Variants in OR1I1 observed in about 807,000 individuals in gnomAD.
The protein encoded by OR1I1 is olfactory receptor 1I1.
For synonymous variants in OR1I1, 171 were observed against 181.4 expected, an observed-to-expected ratio of 0.94 and a Z score of 0.46; for missense variants, 451 against 443.6, an observed-to-expected ratio of 1.02 and a Z score of -0.15.
chr19:15,086,122 T>C (rs2046229161), intron 1 of OR1I1, among the ~76,000 whole-genome samples: 1 of 152,010 alleles, frequency 6.6e-6, no homozygotes, highest in Non-Finnish European at 1.5e-5. Flanking sequence ...GAGACCAGCC[T>C]GGCCAACATG....
rs1225899984 is a variant in OR1I1 at position 15,090,907 on chromosome 19, T to A, written c.*2774T>A. On this transcript the variant is annotated 3_prime_UTR_variant, in exon 2 of 2. Coordinates refer to ENST00000641398, the MANE Select transcript of OR1I1 (RefSeq NM_001004713.2). The stretch of plus-strand genomic sequence containing the variant: ...ACTCGGCCTGATTTGTGGTACTTTG[T>A]TGCAACATTGCTAGAAAACAAATGC... 6.6e-6 allele frequency: 1 copy of A among 152,216 alleles called. No homozygotes were observed. Among genetic ancestry groups the A allele is most frequent in the Admixed American group, 6.5e-5 (1 of 15,276 alleles). 9.4% of individuals were successfully genotyped at this position (152,216 alleles called of 1,614,324 possible). A position where few individuals can be genotyped will look rare whatever the true frequency, so the allele number is the denominator to read the frequency against.
chr19:15,085,048 G>A (rs920830737), intron 1 of OR1I1, among the ~76,000 whole-genome samples: 6 of 148,404 alleles, frequency 4.0e-5, no homozygotes, highest in African/African-American at 1.5e-4. Context: ...GTAGGCTAAC[G>A]TAAGTGTTCT....
Position 15,089,347 on chromosome 19 carries a change from A to C in OR1I1, c.*1214A>C, listed in dbSNP as rs963657634. The C allele has an allele frequency of 1.3e-5, 2 of 152,150 alleles. No homozygotes were observed. Among genetic ancestry groups the C allele is most frequent in the Non-Finnish European group, 1.5e-5 (1 of 68,052 alleles). 9.4% of individuals were successfully genotyped at this position (152,150 alleles called of 1,614,324 possible). ...AAGGGGACTCTGATGCAGACGGTCC[A>C]TCAATCGTAGTTTGGGAACACAGAC... On this transcript the variant is annotated 3_prime_UTR_variant, in exon 2 of 2. Transcript: ENST00000641398.
rs926365823 is a variant in OR1I1, at chr19:15,088,162, T to C, written c.*29T>C. 21 of 1,517,088 alleles carry C rather than the reference T, an allele frequency of 1.4e-5. No individual in the cohort carries two copies. The Admixed American group carries it at 3.4e-4, about 24-fold the overall frequency. The allele number at this position is 1,517,088 out of a possible 1,614,324, so 94.0% of individuals were successfully genotyped here. Reference sequence around the variant, plus strand: ...CTTCCAGTACAACGTGATAAATGTGTCATAAAGAGATGAACAAAGTGTATG... The same window carrying C: ...CTTCCAGTACAACGTGATAAATGTGCCATAAAGAGATGAACAAAGTGTATG... On this transcript the variant is annotated 3_prime_UTR_variant, in exon 2 of 2. Transcript: ENST00000641398.
rs1277585210 is a variant in OR1I1, at chr19:15,088,374, G to A, written c.*241G>A. On this transcript the variant is annotated 3_prime_UTR_variant, in exon 2 of 2. Transcript: ENST00000641398. ...CTCATTTTAGTATTGACAAAGGCCA[G>A]GTGTGGAAGCTCAAGCCTGTGATCC... 2 of 445,680 alleles carry A rather than the reference G, an allele frequency of 4.5e-6. No individual in the cohort carries two copies. The highest frequency in any genetic ancestry group is 8.0e-6 in the Non-Finnish European group (2 of 251,248). The allele number at this position is 445,680 out of a possible 1,614,324, so 27.6% of individuals were successfully genotyped here.
rs1196559589 is a variant in OR1I1 at position 15,087,347 on chromosome 19, T to C, written c.282T>C (p.Phe94=). Residue 94 remains phenylalanine, a synonymous_variant, in exon 2 of 2, where the codon TTT becomes TTC. Transcript: ENST00000641398. ...AGGCTCAGAGCAGAGCCATCCCCTT[T>C]GTGGGCTGCCTCACCCAGATGTATG... is the stretch of plus-strand genomic sequence containing the variant. The part of the protein sequence containing the change: ...NIQAQSRAIP[F]VGCLTQMYAF... 1.3e-5 allele frequency: 21 copies of C among 1,614,202 alleles called. No individual in the cohort carries two copies. Among genetic ancestry groups the C allele is most frequent in the Non-Finnish European group, 1.7e-5 (20 of 1,180,028 alleles).
rs2046262157 is a variant in OR1I1 at position 15,092,726 on chromosome 19, T to C, written c.*4593T>C. 1.3e-5 allele frequency: 2 copies of C among 152,220 alleles called. No individual in the cohort carries two copies. The highest frequency in any genetic ancestry group is 4.8e-5 in the African/African-American group (2 of 41,440). 9.4% of individuals were successfully genotyped at this position (152,220 alleles called of 1,614,324 possible). A position where few individuals can be genotyped will look rare whatever the true frequency, so the allele number is the denominator to read the frequency against. ...TAAAACTACTCTAGGCCAGGTGCATTCACTCATGCCTGTAATCCCAGCACT... is the reference window on the plus strand; with the variant it reads ...TAAAACTACTCTAGGCCAGGTGCATCCACTCATGCCTGTAATCCCAGCACT... On this transcript the variant is annotated 3_prime_UTR_variant, in exon 2 of 2. Transcript: ENST00000641398.
intron 1 of OR1I1, among the ~76,000 whole-genome samples, chr19:15,085,160 A>G (rs540872905): frequency 2.8e-5 from 1 of 35,824 alleles, no homozygotes; most frequent in Non-Finnish European, 4.7e-5. Context: ...ATATATATAT[A>G]TATATATATA....
rs1173289449 is a variant in OR1I1, at chr19:15,091,958, TG to T, written c.*3829del. ...TACAGAGATACAGGAGAACCAGATT[TG>T]GGGTGCCGCTCTAGCCACTGTGTCC... On this transcript the variant is annotated 3_prime_UTR_variant, in exon 2 of 2. Transcript: ENST00000641398. The T allele has an allele frequency of 2.6e-5, 4 of 151,884 alleles. No individual in the cohort carries two copies. Among genetic ancestry groups the T allele is most frequent in the African/African-American group, 9.7e-5 (4 of 41,348 alleles). 9.4% of individuals were successfully genotyped at this position (151,884 alleles called of 1,614,324 possible). A position where few individuals can be genotyped will look rare whatever the true frequency, so the allele number is the denominator to read the frequency against.
chr19:15,085,176 A>ATATATATATTT (rs1555717400), intron 1 of OR1I1, among the ~76,000 whole-genome samples: 1 of 80,140 alleles, frequency 1.2e-5, no homozygotes, highest in Non-Finnish European at 2.3e-5. Flanking sequence ...ATATATATAT[A>ATATATATATTT]TTTTTTTTTT....
rs1270899167 is a variant in OR1I1 at position 15,092,632 on chromosome 19, C to T, written c.*4499C>T. 6.6e-6 allele frequency: 1 copy of T among 152,158 alleles called. No individual in the cohort carries two copies. Among genetic ancestry groups the T allele is most frequent in the Non-Finnish European group, 1.5e-5 (1 of 68,044 alleles). The allele number at this position is 152,158 out of a possible 1,614,324, so 9.4% of individuals were successfully genotyped here. On this transcript the variant is annotated 3_prime_UTR_variant, in exon 2 of 2. Transcript: ENST00000641398. ...ACTTTGTTTATAAACACAGAAGCTT[C>T]CATTTCATATCATAGTACATGTCAT...
chr19:15,083,192 C>A (rs1420584093), intron 1 of OR1I1, among the ~76,000 whole-genome samples: 1 of 152,038 alleles, frequency 6.6e-6, no homozygotes, highest in Non-Finnish European at 1.5e-5. Context: ...TCTCCCACCT[C>A]AGCCTTCTGA....
chr19:15,088,048 T>C lies in OR1I1; in HGVS notation c.983T>C (p.Leu328Pro), dbSNP rs1018860038. Residue 328 changes from leucine (L) to proline (P), a missense_variant, in exon 2 of 2, where the codon CTG becomes CCG. Leu to Pro is a moderately conservative substitution (Grantham distance 98). Coordinates refer to ENST00000641398, the MANE Select transcript of OR1I1 (RefSeq NM_001004713.2). ...LLDVYHVPGS[L>P]LAARDTEMHP... ...GATGTTTATCATGTTCCAGGATCAC[T>C]GTTGGCTGCTAGGGACACAGAGATG... The C allele has an allele frequency of 1.2e-6, 2 of 1,607,100 alleles. No homozygotes were observed. Among genetic ancestry groups the C allele is most frequent in the Admixed American group, 1.7e-5 (1 of 59,124 alleles).
intron 1 of OR1I1, among the ~76,000 whole-genome samples, chr19:15,084,430 C>T (rs2046220734): frequency 6.6e-6 from 1 of 152,032 alleles, no homozygotes; most frequent in Non-Finnish European, 1.5e-5. Context: ...TGGTGGTGCT[C>T]GCCTGTCATC....
In OR1I1 at chr19:15,088,884, C is replaced by T. The variant is rs951984299; in HGVS notation, c.*751C>T. The T allele has an allele frequency of 2.7e-5, 4 of 148,958 alleles. No homozygotes were observed. The highest frequency in any genetic ancestry group is 6.7e-5 in the Admixed American group (1 of 14,890). The allele number at this position is 148,958 out of a possible 1,614,324, so 9.2% of individuals were successfully genotyped here. On this transcript the variant is annotated 3_prime_UTR_variant, in exon 2 of 2. Coordinates refer to ENST00000641398, the MANE Select transcript of OR1I1 (RefSeq NM_001004713.2). ...TAGGTAGGTAGGTAGGTCAACCGAT[C>T]GATAGATCTATCTATTGACAGACAG... is the stretch of plus-strand genomic sequence containing the variant.
rs190924364 is a variant in OR1I1, at chr19:15,084,432, C to T, written c.-14+2156C>T. 3.0e-3 allele frequency among the ~76,000 whole-genome samples: 464 copies of T among 152,254 alleles called. 1 individual carries two copies. Among genetic ancestry groups the T allele is most frequent in the African/African-American group, 0.011 (446 of 41,556 alleles). ...AATTAGCCATGCGTGGTGGTGCTCG[C>T]CTGTCATCCCAGCTACTCAGGAGGC... On this transcript the variant is annotated intron_variant, in intron 1 of 1. Transcript: ENST00000641398.
intron 1 of OR1I1, among the ~76,000 whole-genome samples, chr19:15,083,492 T>G (rs939167617): frequency 6.6e-6 from 1 of 152,308 alleles, no homozygotes; most frequent in African/African-American, 2.4e-5. Context: ...AACTGAGGAC[T>G]GTTACAAATA....
intron 1 of OR1I1, among the ~76,000 whole-genome samples, chr19:15,085,130 T>C (rs1181903918): frequency 3.5e-5 from 1 of 28,522 alleles, no homozygotes; most frequent in Non-Finnish European, 7.9e-5. Context: ...CATTTTTGAC[T>C]TATATATATA....
In OR1I1 at chr19:15,088,111, C is replaced by A. The variant is rs372953371; in HGVS notation, c.1046C>A (p.Ala349Asp). The stretch of plus-strand genomic sequence containing the variant: ...TACCCTGGAGGAGTTCAGAGTCTAG[C>A]TGGGAACAGAGACATGGAATAAATC... ...IPYPGGVQSL[A>D]GNRDME The change falls in exon 2 of 2, where the codon GCT becomes GAT. Residue 349 changes from alanine to aspartate, a missense_variant. Coordinates refer to ENST00000641398, the MANE Select transcript of OR1I1 (RefSeq NM_001004713.2). 121 of 1,556,334 alleles carry A rather than the reference C, an allele frequency of 7.8e-5. No individual in the cohort carries two copies. The African/African-American group carries it at 1.4e-3, about 18-fold the overall frequency.
Sources: gnomAD v4.1 joint callset for allele counts (sites outside exome capture counted in the v4.1 genomes callset) on GRCh38, gnomAD v4.1.1 for gene constraint, MANE v1.5 for transcripts, NCBI Gene and HGNC (gene_info 2026-07-23, HGNC 2026-07-21) for gene names.